The following C2CD3 variants were observed in gnomAD, a reference collection of about 807,000 sequenced individuals.
C2CD3 encodes the protein C2 domain containing 3 centriole elongation regulator.
Under a neutral mutation model 234.0 loss-of-function variants are expected in C2CD3, and 148 were observed. The ratio of observed to expected loss-of-function variants is 0.63; its 90% CI spans 0.55 to 0.72. The LOEUF is 0.72. Among genes scored for constraint, C2CD3 ranks in the 30% least tolerant of loss-of-function variants. C2CD3 has a pLI of 0.00. For missense variants in C2CD3, 2,577 were observed against 2,811.5 expected, an observed-to-expected ratio of 0.92 and a Z score of 1.89; for synonymous variants, 1,000 against 1,035.4, an observed-to-expected ratio of 0.97 and a Z score of 0.66.
chr11:74,028,241 G>T, intron 32 of C2CD3, 46 bp downstream of exon 32: 1 of 1,323,772 alleles, frequency 7.6e-7, no homozygotes, highest in Non-Finnish European at 1.0e-6. Flanking sequence ...TTCTGTGGAA[G>T]AGATGATGAC....
chr11:74,090,550 G>C (rs1419912172), intron 20 of C2CD3, among the ~76,000 whole-genome samples: 3 of 152,144 alleles, frequency 2.0e-5, no homozygotes, highest in African/African-American at 7.2e-5. Context: ...TGATGGTGTA[G>C]GGTATGGCCA....
chr11:74,040,772 A>AAAAC (rs568104255), intron 29 of C2CD3, among the ~76,000 whole-genome samples: 3 of 151,990 alleles, frequency 2.0e-5, no homozygotes, highest in African/African-American at 7.3e-5. Flanking sequence ...AACAAAAACA[A>AAAAC]AAACAAACAA....
intron 27 of C2CD3, among the ~76,000 whole-genome samples, chr11:74,048,633 T>C (rs1336741495): frequency 2.0e-5 from 3 of 152,240 alleles, no homozygotes; most frequent in Non-Finnish European, 4.4e-5. Context: ...TGAATGGATA[T>C]CATTTTACAT....
At chr11:74,159,500 T>G (rs546266377) in intron 3 of C2CD3, among the ~76,000 whole-genome samples, 1 of 152,094 alleles carries the variant, frequency 6.6e-6, no homozygotes, top group East Asian at 1.9e-4. Context: ...AGGCTTAGGC[T>G]AATGTGTGTG....
chr11:74,090,161 G>C (rs1590768246), intron 20 of C2CD3, among the ~76,000 whole-genome samples: 1 of 152,104 alleles, frequency 6.6e-6, no homozygotes, highest in South Asian at 2.1e-4. Flanking sequence ...AAGATAGATG[G>C]GGGGTGGGGC....
intron 3 of C2CD3, among the ~76,000 whole-genome samples, chr11:74,152,243 T>C (rs1396555956): frequency 2.6e-5 from 4 of 152,186 alleles, no homozygotes. Context: ...TTTAGACGTT[T>C]AAAGACAGAA....
At chr11:74,109,804 G>C (rs1190585470) in intron 11 of C2CD3, among the ~76,000 whole-genome samples, 1 of 152,112 alleles carries the variant, frequency 6.6e-6, no homozygotes, top group African/African-American at 2.4e-5. Flanking sequence ...CGGGTGCGGT[G>C]GCTCACGCCT....
At chr11:74,065,563 G>A (rs2135450166) in intron 24 of C2CD3, among the ~76,000 whole-genome samples, 1 of 152,282 alleles carries the variant, frequency 6.6e-6, no homozygotes, top group Middle Eastern at 3.4e-3. Context: ...CTATTACTGG[G>A]TATATACCCA....
intron 23 of C2CD3, among the ~76,000 whole-genome samples, chr11:74,076,401 C>T (rs1955043685): frequency 6.6e-6 from 1 of 152,208 alleles, no homozygotes; most frequent in African/African-American, 2.4e-5. Flanking sequence ...TAACAACTAA[C>T]TGGACAGCAA....
At chr11:74,132,511 GCC>G (rs369527159) in intron 7 of C2CD3, among the ~76,000 whole-genome samples, 4 of 152,114 alleles carry the variant, frequency 2.6e-5, no homozygotes, top group African/African-American at 9.7e-5. Context: ...CCTGCTTAAG[GCC>G]ACAAAGCTAA....
At chr11:74,096,328 G>GT (rs1416460733) in intron 16 of C2CD3, among the ~76,000 whole-genome samples, 2 of 152,142 alleles carry the variant, frequency 1.3e-5, no homozygotes, top group African/African-American at 2.4e-5. Context: ...ATATACATGT[G>GT]TTTAACATTT....
chr11:74,111,700 T>G (rs1022333316), intron 11 of C2CD3, among the ~76,000 whole-genome samples: 40 of 152,018 alleles, frequency 2.6e-4, no homozygotes, highest in African/African-American at 9.7e-4. Context: ...ACCAAGCTTG[T>G]CCAACCCACA....
At chr11:74,106,553 A>T in intron 12 of C2CD3, 60 bp from the exon 13 acceptor site, 1 of 1,522,484 alleles carries the variant, frequency 6.6e-7, no homozygotes, top group Non-Finnish European at 9.0e-7. Flanking sequence ...GGTGATCTTA[A>T]TTAAAGTGAC....
At chr11:74,169,565 T>C (rs892952688) in intron 1 of C2CD3, among the ~76,000 whole-genome samples, 6 of 152,132 alleles carry the variant, frequency 3.9e-5, no homozygotes, top group African/African-American at 7.2e-5. Context: ...CCCTCTATAG[T>C]GGAGAAAAGA....
intron 20 of C2CD3, among the ~76,000 whole-genome samples, chr11:74,090,277 C>T (rs1322149451): frequency 6.6e-6 from 1 of 152,122 alleles, no homozygotes; most frequent in African/African-American, 2.4e-5. Context: ...GCCTGTAATC[C>T]CAGCACTTTG....
At position 74,139,658 on chromosome 11, in the gene C2CD3, GAT is replaced by G; in HGVS notation, c.652_653del (p.Ile218GlnfsTer3). The G allele has an allele frequency of 6.2e-7, 1 of 1,614,016 alleles. No homozygotes were observed. The highest frequency in any genetic ancestry group is 1.1e-5 in the South Asian group (1 of 91,078). On this transcript the variant is annotated frameshift_variant, in exon 4 of 33. Coordinates refer to ENST00000334126, the MANE Select transcript of C2CD3 (RefSeq NM_001286577.2). LOFTEE classifies it high-confidence loss of function. ...CTGCTAACTCTTTTCCATCAATTTT[GAT>G]GGTATGTATGTCGCGAGGCCTTGAT... ...VPSRPRDIHT[I>X]KIDGKELAAN...
intron 11 of C2CD3, among the ~76,000 whole-genome samples, chr11:74,112,673 A>G (rs1348487550): frequency 6.6e-6 from 1 of 152,246 alleles, no homozygotes; most frequent in Non-Finnish European, 1.5e-5. Context: ...AAGATCTATA[A>G]ATGGCCAATA....
At chr11:74,143,140 T>C (rs919362827) in intron 3 of C2CD3, among the ~76,000 whole-genome samples, 1 of 152,054 alleles carries the variant, frequency 6.6e-6, no homozygotes, top group African/African-American at 2.4e-5. Flanking sequence ...GAATGTACCA[T>C]ATGCTTCTCA....
At chr11:74,081,574 CTACATAAT>C (rs1178791032) in intron 22 of C2CD3, among the ~76,000 whole-genome samples, 1 of 152,088 alleles carries the variant, frequency 6.6e-6, no homozygotes, top group Non-Finnish European at 1.5e-5. Context: ...TTACAAAGTG[CTACATAAT>C]GTAATGGATA....
Sources: gnomAD v4.1 joint callset for allele counts (sites outside exome capture counted in the v4.1 genomes callset) on GRCh38, gnomAD v4.1.1 for gene constraint, MANE v1.5 for transcripts, NCBI Gene and HGNC (gene_info 2026-07-23, HGNC 2026-07-21) for gene names.